Variants in ANKRD52 observed in about 807,000 individuals in gnomAD.
The protein encoded by ANKRD52 is ankyrin repeat domain 52, also known as serine/threonine-protein phosphatase 6 regulatory ankyrin repeat subunit C.
In ANKRD52, 7 loss-of-function variants were observed where a neutral mutation model predicts 116.0. The ratio of observed to expected loss-of-function variants is 0.06; its 90% CI spans 0.03 to 0.11. The LOEUF (loss-of-function observed/expected upper bound fraction) is 0.11, where lower values mean the gene tolerates loss of function less well. Ranked by LOEUF, ANKRD52 falls within the 10% of genes least tolerant of loss-of-function variation. The pLI is 1.00. For synonymous variants in ANKRD52, 528 were observed against 578.1 expected, an observed-to-expected ratio of 0.91 and a Z score of 1.24; for missense variants, 839 against 1,408.6, an observed-to-expected ratio of 0.60 and a Z score of 6.47.
In ANKRD52 at chr12:56,252,516, C is replaced by G. The variant is rs371785133; in HGVS notation, c.1356G>C (p.Arg452Ser). The change falls in exon 13 of 28, where the codon AGG becomes AGC. Residue 452 changes from arginine (R) to serine (S), a missense_variant. Arg to Ser is a moderately radical substitution (Grantham distance 110, BLOSUM62 -1). This residue lies in a region of ANKRD52 where 287 missense variants were observed against 598.1 expected (regional missense o/e 0.48). Coordinates refer to ENST00000267116, the MANE Select transcript of ANKRD52 (RefSeq NM_173595.4). The surrounding 1 kb of genome is among the most constrained non-coding windows in gnomAD (Gnocchi z 4.7). ...TATTAGCATACCTGCCAAATTTGTC[C>G]CTCCTCCTCAAGTCAGCTCCACTGC... ...LLSSGADLRR[R>S]DKFGRTPLHY... 44 of 1,613,690 alleles carry G rather than the reference C, an allele frequency of 2.7e-5. No homozygotes were observed. The highest frequency in any genetic ancestry group is 5.0e-5 in the Admixed American group (3 of 60,000).
chr12:56,237,913 C>T lies in ANKRD52; in HGVS notation c.*5229G>A, dbSNP rs1374815580. The T allele has an allele frequency of 1.5e-5, 11 of 731,812 alleles. No individual in the cohort carries two copies. The highest frequency in any genetic ancestry group is 3.7e-5 in the African/African-American group (2 of 54,488). The allele number at this position is 731,812 out of a possible 1,614,324, so 45.3% of individuals were successfully genotyped here. On this transcript the variant is annotated 3_prime_UTR_variant, in exon 28 of 28. Transcript: ENST00000267116. ...AAAACCAGAGTGTGGTGGGAGGACCCGAAGCCGGTTGGGGGAGGATGTGAG... is the reference window on the plus strand; with the variant it reads ...AAAACCAGAGTGTGGTGGGAGGACCTGAAGCCGGTTGGGGGAGGATGTGAG...
In ANKRD52 at chr12:56,258,341, G is replaced by A; in HGVS notation, c.-72C>T. ...GGCGGCTCCACCGGGGACACGGAGCGGCCCAGGCGGCGGCTGCGGTGGCGG... is the reference window on the plus strand; with the variant it reads ...GGCGGCTCCACCGGGGACACGGAGCAGCCCAGGCGGCGGCTGCGGTGGCGG... On this transcript the variant is annotated 5_prime_UTR_variant, in exon 1 of 28. Transcript: ENST00000267116. 7.1e-7 allele frequency: 1 copy of A among 1,402,486 alleles called. No homozygotes were observed. Among genetic ancestry groups the A allele is most frequent in the Non-Finnish European group, 9.3e-7 (1 of 1,078,300 alleles). 86.9% of individuals were successfully genotyped at this position (1,402,486 alleles called of 1,614,324 possible).
chr12:56,247,370 A>T, intron 20 of ANKRD52, 123 bp downstream of exon 20: 2 of 817,280 alleles, frequency 2.4e-6, no homozygotes, highest in Non-Finnish European at 3.7e-6. Context: ...AAAAAGAAAA[A>T]GAAAAAAGAC....
chr12:56,240,920 C>G lies in ANKRD52; in HGVS notation c.*2222G>C, dbSNP rs1191687038. Reference sequence around the variant, plus strand: ...CACGAAAGGAGAACACGACTCACACCCGGCAAGTTCTCTCTGGAGGACCCA... The same window carrying G: ...CACGAAAGGAGAACACGACTCACACGCGGCAAGTTCTCTCTGGAGGACCCA... On this transcript the variant is annotated 3_prime_UTR_variant, in exon 28 of 28. Transcript: ENST00000267116. This position sits in a 1 kb window ranked among gnomAD's most constrained non-coding sequence, Gnocchi z 4.2. 6.6e-6 allele frequency: 1 copy of G among 152,204 alleles called. No individual in the cohort carries two copies. The highest frequency in any genetic ancestry group is 1.5e-5 in the Non-Finnish European group (1 of 68,054). 9.4% of individuals were successfully genotyped at this position (152,204 alleles called of 1,614,324 possible).
chr12:56,249,901 G>A (rs1023426372), intron 15 of ANKRD52, among the ~76,000 whole-genome samples: 8 of 152,184 alleles, frequency 5.3e-5, no homozygotes, highest in East Asian at 1.9e-4. Flanking sequence ...TTAGCCAGGC[G>A]TGGCAGCGTG....
In ANKRD52 at chr12:56,255,013, G is replaced by C; in HGVS notation, c.463-61C>G. Reference sequence around the variant, plus strand: ...AGATTCGTGCCCTCAACCTACCTAAGAGCAGAGGCCTCATCTCCTGAAAAG... The same window carrying C: ...AGATTCGTGCCCTCAACCTACCTAACAGCAGAGGCCTCATCTCCTGAAAAG... On this transcript the variant is annotated intron_variant, in intron 5 of 27. Coordinates refer to ENST00000267116, the MANE Select transcript of ANKRD52 (RefSeq NM_173595.4). This position sits in a 1 kb window ranked among gnomAD's most constrained non-coding sequence, Gnocchi z 4.3. 1 of 1,545,120 alleles carries C rather than the reference G, an allele frequency of 6.5e-7. No individual in the cohort carries two copies. The highest frequency in any genetic ancestry group is 1.7e-5 in the Admixed American group (1 of 59,264).
rs1871997005 is a variant in ANKRD52, at chr12:56,257,219, C to CA, written c.190+63dup. ...GCCGGGGAGAGCAATCCTTGAATATCAAAAAAGACTCCTCCCCTCCCTTCG... is the reference window on the plus strand; with the variant it reads ...GCCGGGGAGAGCAATCCTTGAATATCAAAAAAAGACTCCTCCCCTCCCTTCG... On this transcript the variant is annotated intron_variant, in intron 3 of 27. Transcript: ENST00000267116. 1.1e-5 allele frequency: 17 copies of CA among 1,545,312 alleles called. No individual in the cohort carries two copies. In the Admixed American group the frequency reaches 3.1e-4, roughly 28 times the overall value.
chr12:56,237,922 T>C lies in ANKRD52; in HGVS notation c.*5220A>G, dbSNP rs1178282592. 4 of 666,746 alleles carry C rather than the reference T, an allele frequency of 6.0e-6. No individual in the cohort carries two copies. The highest frequency in any genetic ancestry group is 3.2e-5 in the East Asian group (1 of 31,690). The allele number at this position is 666,746 out of a possible 1,614,324, so 41.3% of individuals were successfully genotyped here. ...GTGTGGTGGGAGGACCCGAAGCCGG[T>C]TGGGGGAGGATGTGAGTAGGGGCCT... On this transcript the variant is annotated 3_prime_UTR_variant, in exon 28 of 28. Coordinates refer to ENST00000267116, the MANE Select transcript of ANKRD52 (RefSeq NM_173595.4).
Position 56,241,989 on chromosome 12 carries a change from GC to G in ANKRD52, c.*1152del. 1 of 398,632 alleles carries G rather than the reference GC, an allele frequency of 2.5e-6. No individual in the cohort carries two copies. The highest frequency in any genetic ancestry group is 4.4e-6 in the Non-Finnish European group (1 of 226,086). 24.7% of individuals were successfully genotyped at this position (398,632 alleles called of 1,614,324 possible). A position where few individuals can be genotyped will look rare whatever the true frequency, so the allele number is the denominator to read the frequency against. On this transcript the variant is annotated 3_prime_UTR_variant, in exon 28 of 28. Transcript: ENST00000267116. ...GCTTCTTCCTCACACTGGAGGGGAA[GC>G]CTGGGTCCCGAGTAGCCACGGTCCC...
Position 56,244,525 on chromosome 12 carries a change from C to T in ANKRD52, c.2723-90G>A, listed in dbSNP as rs567585698. 5.2e-4 allele frequency: 821 copies of T among 1,593,392 alleles called. 1 individual carries two copies. The highest frequency in any genetic ancestry group is 7.8e-4 in the Middle Eastern group (4 of 5,110). ...CACTTTGCATCCCGTCTGCAGATGG[C>T]GAGACATCCAAAGACAACCCTCTTG... On this transcript the variant is annotated intron_variant, in intron 24 of 27. Coordinates refer to ENST00000267116, the MANE Select transcript of ANKRD52 (RefSeq NM_173595.4). The surrounding 1 kb of genome is among the most constrained non-coding windows in gnomAD (Gnocchi z 4.9).
Position 56,247,712 on chromosome 12 carries a change from T to G in ANKRD52, c.2041A>C (p.Thr681Pro). 6.2e-7 allele frequency: 1 copy of G among 1,612,160 alleles called. No homozygotes were observed. Among genetic ancestry groups the G allele is most frequent in the Non-Finnish European group, 8.5e-7 (1 of 1,179,166 alleles). The change falls in exon 19 of 28, where the codon ACA becomes CCA. Residue 681 changes from threonine (T) to proline (P), a missense_variant. Physicochemically the swap from Thr to Pro is conservative, Grantham distance 38 (BLOSUM62 -1). Transcript: ENST00000267116. ...LIDSGERADI[T>P]DVMDAYGQTP... ...TGTCCATAGGCATCCATGACATCTG[T>G]GATGTCAGCTCGTTCCCCACTGTCG...
intron 15 of ANKRD52, among the ~76,000 whole-genome samples, chr12:56,250,489 G>A (rs1380420156): frequency 6.6e-6 from 1 of 151,184 alleles, no homozygotes; most frequent in Non-Finnish European, 1.5e-5. Context: ...TGATCCTCTT[G>A]CCTTACCTGC....
Position 56,242,962 on chromosome 12 carries a change from A to C in ANKRD52, c.*180T>G, listed in dbSNP as rs1592385944. The C allele has an allele frequency of 2.2e-6, 2 of 919,540 alleles. No individual in the cohort carries two copies. Among genetic ancestry groups the C allele is most frequent in the Admixed American group, 5.9e-5 (2 of 34,110 alleles). The allele number at this position is 919,540 out of a possible 1,614,324, so 57.0% of individuals were successfully genotyped here. On this transcript the variant is annotated 3_prime_UTR_variant, in exon 28 of 28. Transcript: ENST00000267116. The surrounding 1 kb of genome is among the most constrained non-coding windows in gnomAD (Gnocchi z 4.3). ...CTGGGGTGCTCCCTGTCAGTCCCAGACCCCTGCCAGGCCAAGATGGTGTGG... is the reference window on the plus strand; with the variant it reads ...CTGGGGTGCTCCCTGTCAGTCCCAGCCCCCTGCCAGGCCAAGATGGTGTGG...
chr12:56,243,100 T>C lies in ANKRD52; in HGVS notation c.*42A>G. 1 of 1,536,196 alleles carries C rather than the reference T, an allele frequency of 6.5e-7. No individual in the cohort carries two copies. The highest frequency in any genetic ancestry group is 8.7e-7 in the Non-Finnish European group (1 of 1,143,434). ...TTAGACTTTTTCTAAATAAATAGAA[T>C]TAGATATCAAGCCACCGGCGGGGGA... On this transcript the variant is annotated 3_prime_UTR_variant, in exon 28 of 28. Transcript: ENST00000267116. The surrounding 1 kb of genome is among the most constrained non-coding windows in gnomAD (Gnocchi z 4.6).
Position 56,248,478 on chromosome 12 carries a change from A to G in ANKRD52, c.1776+17T>C, listed in dbSNP as rs1163660505. The G allele has an allele frequency of 3.8e-6, 6 of 1,584,868 alleles. No individual in the cohort carries two copies. In the Admixed American group the frequency reaches 1.1e-4, roughly 29 times the overall value. On this transcript the variant is annotated intron_variant, in intron 17 of 27. Coordinates refer to ENST00000267116, the MANE Select transcript of ANKRD52 (RefSeq NM_173595.4). The surrounding 1 kb of genome is among the most constrained non-coding windows in gnomAD (Gnocchi z 5.1). ...GGTAGGACAAGGAAGGCAACAGAAA[A>G]AAGACGTGGGACTCACAGCTAAGTG...
rs1330280093 is a variant in ANKRD52, at chr12:56,253,460, G to A, written c.986-58C>T. The A allele has an allele frequency of 1.3e-5, 17 of 1,354,304 alleles. No individual in the cohort carries two copies. Among genetic ancestry groups the A allele is most frequent in the South Asian group, 7.2e-5 (6 of 82,962 alleles). 83.9% of individuals were successfully genotyped at this position (1,354,304 alleles called of 1,614,324 possible). On this transcript the variant is annotated intron_variant, in intron 9 of 27. Transcript: ENST00000267116. This position sits in a 1 kb window ranked among gnomAD's most constrained non-coding sequence, Gnocchi z 5.5. Reference sequence around the variant, plus strand: ...AGACCTCAGGCTTAAGACCACTTTCGCGAGCTAGCCATGATTTGAGTGCCT... The same window carrying A: ...AGACCTCAGGCTTAAGACCACTTTCACGAGCTAGCCATGATTTGAGTGCCT...
chr12:56,244,924 C>T lies in ANKRD52; in HGVS notation c.2558G>A (p.Ser853Asn). ...LGALGAKIVN[S>N]RDAKGRTPLH... ...CACTCACCGTCCTTTGGCATCTCGG[C>T]TGTTCACAATCTTGGCACCCAGAGC... Residue 853 changes from serine to asparagine, a missense_variant, in exon 23 of 28, where the codon AGC becomes AAC. By Grantham distance (46) the Ser-to-Asn change is conservative (BLOSUM62 1). Transcript: ENST00000267116. This position sits in a 1 kb window ranked among gnomAD's most constrained non-coding sequence, Gnocchi z 4.9. 1 of 1,613,968 alleles carries T rather than the reference C, an allele frequency of 6.2e-7. No individual in the cohort carries two copies. The highest frequency in any genetic ancestry group is 8.5e-7 in the Non-Finnish European group (1 of 1,179,876).
rs570218161 is a variant in ANKRD52 at position 56,255,399 on chromosome 12, C to A, written c.462+385G>T. On this transcript the variant is annotated intron_variant, in intron 5 of 27. Transcript: ENST00000267116. The surrounding 1 kb of genome is among the most constrained non-coding windows in gnomAD (Gnocchi z 4.3). ...TAGAGACAGGGTTTCACCATGTTAG[C>A]CAGGATGATCTCGATCTCCTGATCT... Among the ~76,000 whole-genome samples, 1 of 152,146 alleles carries A rather than the reference C, an allele frequency of 6.6e-6. No individual in the cohort carries two copies. The highest frequency in any genetic ancestry group is 1.9e-4 in the East Asian group (1 of 5,184).
rs1014608699 is a variant in ANKRD52, at chr12:56,242,465, T to C, written c.*677A>G. 6.2e-6 allele frequency: 2 copies of C among 321,528 alleles called. No homozygotes were observed. Among genetic ancestry groups the C allele is most frequent in the Non-Finnish European group, 1.1e-5 (2 of 177,260 alleles). The allele number at this position is 321,528 out of a possible 1,614,324, so 19.9% of individuals were successfully genotyped here. ...GTGGGGGCAGAACCAGCCCTTGATT[T>C]GCATATGAGGAGCCAGGGGAGAGTG... On this transcript the variant is annotated 3_prime_UTR_variant, in exon 28 of 28. Coordinates refer to ENST00000267116, the MANE Select transcript of ANKRD52 (RefSeq NM_173595.4). This position sits in a 1 kb window ranked among gnomAD's most constrained non-coding sequence, Gnocchi z 4.3.
Sources: gnomAD v4.1 joint callset for allele counts (sites outside exome capture counted in the v4.1 genomes callset) on GRCh38, gnomAD v4.1.1 for gene constraint, gnomAD v4.1.1 regional missense constraint, Gnocchi (gnomAD v3.1) non-coding constraint, MANE v1.5 for transcripts, NCBI Gene and HGNC (gene_info 2026-07-23, HGNC 2026-07-21) for gene names.